Variants in MME observed in about 807,000 individuals in gnomAD.
MME encodes neprilysin.
Under a neutral mutation model 113.2 loss-of-function variants are expected in MME, and 98 were observed. The observed-to-expected ratio is 0.87, with a 90% CI of 0.74 to 1.02. The LOEUF (loss-of-function observed/expected upper bound fraction) is 1.02. MME is among the 50% of genes least tolerant of loss of function. MME has a pLI of 0.00. For missense variants in MME, 836 were observed against 896.0 expected (o/e 0.93, Z 0.86); for synonymous variants, 292 against 300.6 (o/e 0.97, Z 0.30).
intron 1 of MME, among the ~76,000 whole-genome samples, chr3:155,072,144 G>A (rs181160451): frequency 0.046 from 6,617 of 143,656 alleles, 284 homozygotes; most frequent in African/African-American, 0.11. Context: ...GTCCGGCCTG[G>A]GCGACAGAGC....
At chr3:155,133,058 A>ATATAT (rs1399456952) in intron 8 of MME, among the ~76,000 whole-genome samples, 6 of 84,242 alleles carry the variant, frequency 7.1e-5, no homozygotes, top group African/African-American at 2.3e-4. Flanking sequence ...AAAAAAAAAA[A>ATATAT]AAAAATATAT....
At chr3:155,077,546 AAAC>A (rs1420688130), upstream of MME, among the ~76,000 whole-genome samples, 2 of 152,100 alleles carry the variant, frequency 1.3e-5, no homozygotes, top group East Asian at 3.9e-4. Context: ...ACAAACAAAC[AAAC>A]AACAACAACA....
intron 16 of MME, chr3:155,158,666 C>A (rs1027766984): frequency 8.7e-4 from 133 of 152,150 alleles, no homozygotes; most frequent in African/African-American, 3.0e-3. Context: ...TGTTCTACAT[C>A]GTTTCTGATC....
rs1296282022 is a variant in MME at position 155,180,947 on chromosome 3, A to T, written c.*488A>T. ...ACAGTCCTTCAAAATCCTTCCAAAG[A>T]ATTCTTATACACATTGGGGCCTTGG... On this transcript the variant is annotated 3_prime_UTR_variant, in exon 23 of 23. Transcript: ENST00000360490. The T allele has an allele frequency of 2.4e-5, 4 of 169,050 alleles. No individual in the cohort carries two copies. Among genetic ancestry groups the T allele is most frequent in the Non-Finnish European group, 5.2e-5 (4 of 76,334 alleles). 10.5% of individuals were successfully genotyped at this position (169,050 alleles called of 1,614,324 possible).
At chr3:155,157,614 T>G (rs1722411100) in intron 16 of MME, among the ~76,000 whole-genome samples, 1 of 152,170 alleles carries the variant, frequency 6.6e-6, no homozygotes, top group Non-Finnish European at 1.5e-5. Context: ...ATCACAAATA[T>G]TAGACATTCA....
intron 3 of MME, among the ~76,000 whole-genome samples, chr3:155,087,750 AT>A: frequency 6.6e-6 from 1 of 151,732 alleles, no homozygotes. Context: ...AAGAAACTGG[AT>A]TTTTTGACTA....
intron 1 of MME, among the ~76,000 whole-genome samples, chr3:155,028,095 T>C (rs745706138): frequency 8.5e-5 from 13 of 152,308 alleles, no homozygotes; most frequent in Admixed American, 2.0e-4. Flanking sequence ...AGGACCATCA[T>C]TTATTCATTC....
chr3:155,122,185 A>G (rs1719207805), intron 8 of MME, among the ~76,000 whole-genome samples: 1 of 149,536 alleles, frequency 6.7e-6, no homozygotes, highest in South Asian at 2.1e-4. Flanking sequence ...TTTCTTCTAG[A>G]TTTTCTAGTT....
intron 17 of MME, among the ~76,000 whole-genome samples, chr3:155,164,104 A>C (rs1722912672): frequency 6.6e-6 from 1 of 151,194 alleles, no homozygotes; most frequent in Non-Finnish European, 1.5e-5. Flanking sequence ...AGGTCACACC[A>C]CTGCACTTCA....
chr3:155,079,774 C>G (rs868566601), upstream of MME: 1 of 152,456 alleles, frequency 6.6e-6, no homozygotes, highest in African/African-American at 2.4e-5. Flanking sequence ...TCTGTGGGTG[C>G]GGGTCGGAGG....
intron 8 of MME, among the ~76,000 whole-genome samples, chr3:155,125,750 C>T (rs112014251): frequency 1.3e-3 from 202 of 152,136 alleles, no homozygotes; most frequent in African/African-American, 4.6e-3. Context: ...TGAGCCACCA[C>T]ACCTGGCCCA....
intron 1 of MME, among the ~76,000 whole-genome samples, chr3:155,036,575 G>A (rs1713135679): frequency 6.6e-6 from 1 of 151,872 alleles, no homozygotes; most frequent in African/African-American, 2.4e-5. Flanking sequence ...ATATTTTCAA[G>A]ATTTTATATA....
intron 1 of MME, among the ~76,000 whole-genome samples, chr3:155,028,501 A>G (rs1712860050): frequency 6.6e-6 from 1 of 152,234 alleles, no homozygotes; most frequent in Non-Finnish European, 1.5e-5. Flanking sequence ...CAGATGCTGT[A>G]CTACCTGCTT....
At chr3:155,074,488 G>A (rs866877261) in intron 1 of MME, among the ~76,000 whole-genome samples, 2 of 151,866 alleles carry the variant, frequency 1.3e-5, no homozygotes, top group African/African-American at 4.8e-5. Context: ...CTGGAGTGCA[G>A]TGGCATGACC....
At chr3:155,039,279 G>A (rs911978842) in intron 1 of MME, among the ~76,000 whole-genome samples, 3 of 152,150 alleles carry the variant, frequency 2.0e-5, no homozygotes, top group Non-Finnish European at 4.4e-5. Flanking sequence ...ATTTTCTTGG[G>A]AAAATAAGAA....
At chr3:155,100,887 G>A (rs913055791) in intron 3 of MME, among the ~76,000 whole-genome samples, 3 of 152,154 alleles carry the variant, frequency 2.0e-5, no homozygotes, top group Admixed American at 2.0e-4. Context: ...AGCAATTGGT[G>A]CTATGAAACT....
intron 8 of MME, among the ~76,000 whole-genome samples, chr3:155,126,284 TC>T (rs562557047): frequency 7.8e-4 from 119 of 152,330 alleles, no homozygotes; most frequent in African/African-American, 2.7e-3. Flanking sequence ...GGGATGCTTT[TC>T]ATATTTAGGA....
intron 18 of MME, 107 bp downstream of exon 18, chr3:155,167,128 C>A: frequency 2.9e-6 from 4 of 1,397,240 alleles, no homozygotes; most frequent in Non-Finnish European, 4.0e-6. Flanking sequence ...AAACATGTAT[C>A]ATTTCTCTAA....
At chr3:155,077,082 G>A (rs185818963), upstream of MME, among the ~76,000 whole-genome samples, 428 of 152,206 alleles carry the variant, frequency 2.8e-3, 2 homozygotes, top group Non-Finnish European at 4.7e-3. Context: ...AGCCCAGCAG[G>A]TCTCAGCCTT....
Sources: allele counts gnomAD v4.1 joint callset (sites outside exome capture counted in the v4.1 genomes callset), GRCh38; gene constraint gnomAD v4.1.1; transcripts MANE v1.5; gene names NCBI Gene and HGNC (gene_info 2026-07-23, HGNC 2026-07-21).